KIF2C: variants seen among roughly 807,000 people sequenced by gnomAD.
KIF2C encodes the protein kinesin family member 2C, also known as kinesin-like protein KIF2C.
A neutral mutation model predicts 97.4 loss-of-function variants in KIF2C; 34 were observed. The ratio of observed to expected loss-of-function variants is 0.35; its 90% CI spans 0.27 to 0.46. The LOEUF (loss-of-function observed/expected upper bound fraction) is 0.46. Ranked by LOEUF, KIF2C falls within the 20% of genes least tolerant of loss-of-function variation. KIF2C has a pLI of 1.00. For synonymous variants in KIF2C, 313 were observed against 318.2 expected (o/e 0.98, Z 0.17); for missense variants, 750 against 907.6 (o/e 0.83, Z 2.23).
rs1368918051 is a variant in KIF2C at position 44,746,354 on chromosome 1, A to G, written c.166-1030A>G. The G allele has an allele frequency of 2.9e-6, 3 of 1,037,176 alleles. No individual in the cohort carries two copies. In the East Asian group the frequency reaches 2.5e-4, roughly 87 times the overall value. 64.2% of individuals were successfully genotyped at this position (1,037,176 alleles called of 1,614,324 possible). On this transcript the variant is annotated intron_variant, in intron 2 of 20. Coordinates refer to ENST00000372224, the MANE Select transcript of KIF2C (RefSeq NM_006845.4). ...TGCAGGACTCTGATGATGTAAACTT[A>G]GAATTGTGACCTCATTGCAGGCATC...
chr1:44,740,936 A>G lies in KIF2C; in HGVS notation c.94A>G (p.Arg32Gly). The change falls in exon 2 of 21, where the codon AGG (arginine) becomes GGG (glycine). Residue 32 changes from arginine to glycine, a missense_variant. By Grantham distance (125) the Arg-to-Gly change is moderately radical. Coordinates refer to ENST00000372224, the MANE Select transcript of KIF2C (RefSeq NM_006845.4). ...SNGLIHSANV[R>G]TVNLEKSCVS... ...AGGTTTAATTCACAGTGCCAATGTAAGGACTGTGAACTTGGAGAAATCCTG... is the reference window on the plus strand; with the variant it reads ...AGGTTTAATTCACAGTGCCAATGTAGGGACTGTGAACTTGGAGAAATCCTG... 1 of 1,613,548 alleles carries G rather than the reference A, an allele frequency of 6.2e-7. No individual in the cohort carries two copies. The highest frequency in any genetic ancestry group is 8.5e-7 in the Non-Finnish European group (1 of 1,179,546).
chr1:44,759,410 G>A, intron 14 of KIF2C, 62 bp downstream of exon 14: 5 of 1,593,022 alleles, frequency 3.1e-6, no homozygotes, highest in Non-Finnish European at 4.3e-6. Flanking sequence ...GTAAAGTCTA[G>A]CTCTGAGCAC....
intron 18 of KIF2C, 36 bp from the exon 19 acceptor site, chr1:44,762,509 G>C (rs1237904884): frequency 6.2e-7 from 1 of 1,609,058 alleles, no homozygotes. Context: ...GGCGGCACCT[G>C]GGTCACATAA....
intron 1 of KIF2C, 134 bp from the exon 2 acceptor site, chr1:44,740,779 G>GTTTTTTT: frequency 4.4e-5 from 11 of 250,416 alleles, no homozygotes; most frequent in Admixed American, 1.0e-4. Flanking sequence ...GTTTCTCTTA[G>GTTTTTTT]TTTTTTTTTT....
At chr1:44,746,630 A>T (rs1329712089) in intron 2 of KIF2C, 1 of 1,496,340 alleles carries the variant, frequency 6.7e-7, no homozygotes. Flanking sequence ...TCAGCAGGGG[A>T]GCCAAGTGGC....
intron 19 of KIF2C, among the ~76,000 whole-genome samples, chr1:44,765,446 C>CT (rs1475527954): frequency 4.0e-5 from 6 of 150,262 alleles, no homozygotes; most frequent in Admixed American, 2.0e-4. Flanking sequence ...TACCCTAGAA[C>CT]TTAAAGTATA....
chr1:44,766,535 CG>C (rs1253061050), intron 19 of KIF2C, among the ~76,000 whole-genome samples: 5 of 152,002 alleles, frequency 3.3e-5, no homozygotes, highest in African/African-American at 4.8e-5. Context: ...CCCTTAAACT[CG>C]GGGGGTGGAG....
At chr1:44,756,036 T>C (rs770808418) in intron 9 of KIF2C, 39 bp from the exon 10 acceptor site, 1 of 1,614,108 alleles carries the variant, frequency 6.2e-7, no homozygotes, top group Non-Finnish European at 8.5e-7. Flanking sequence ...GGGCCTTCTG[T>C]TTCCAGGGAG....
chr1:44,751,651 G>C (rs1649522686), intron 5 of KIF2C, among the ~76,000 whole-genome samples: 1 of 151,050 alleles, frequency 6.6e-6, no homozygotes, highest in African/African-American at 2.4e-5. Flanking sequence ...TGAGATTACA[G>C]GCATGTGCTA....
intron 1 of KIF2C, 111 bp from the exon 2 acceptor site, chr1:44,740,799 TAAG>T: frequency 7.4e-6 from 3 of 404,750 alleles, no homozygotes; most frequent in Non-Finnish European, 9.2e-6. Context: ...TTTTTTTTTT[TAAG>T]GTAGCTGCCT....
intron 2 of KIF2C, among the ~76,000 whole-genome samples, chr1:44,745,740 G>A (rs1007937995): frequency 7.2e-5 from 11 of 151,934 alleles, no homozygotes; most frequent in Non-Finnish European, 1.5e-4. Flanking sequence ...AAAGTGCTGG[G>A]ATTACAGACG....
rs372643623 is a variant in KIF2C, at chr1:44,739,880, C to G, written c.-53C>G. 2.6e-5 allele frequency: 40 copies of G among 1,533,938 alleles called. No homozygotes were observed. Among genetic ancestry groups the G allele is most frequent in the East Asian group, 1.8e-4 (8 of 44,428 alleles). On this transcript the variant is annotated 5_prime_UTR_variant, in exon 1 of 21. Transcript: ENST00000372224. ...CGGCGTTAAGACTTCGTAGGGTTAG[C>G]GAAATTGAGGTTTCTTGGTATTGCG...
At chr1:44,757,116 C>T (rs1649883345) in intron 10 of KIF2C, among the ~76,000 whole-genome samples, 1 of 151,852 alleles carries the variant, frequency 6.6e-6, no homozygotes, top group Admixed American at 6.6e-5. Context: ...ACAGTTTCAC[C>T]ATGTTGGTCA....
intron 6 of KIF2C, among the ~76,000 whole-genome samples, chr1:44,753,517 C>T (rs1649640309): frequency 6.6e-6 from 1 of 152,176 alleles, no homozygotes; most frequent in Non-Finnish European, 1.5e-5. Flanking sequence ...TATTTGACTT[C>T]ATATTGGCCA....
chr1:44,739,889 G>A lies in KIF2C; in HGVS notation c.-44G>A, dbSNP rs1289391826. ...GACTTCGTAGGGTTAGCGAAATTGA[G>A]GTTTCTTGGTATTGCGCGTTTCTCT... On this transcript the variant is annotated 5_prime_UTR_variant, in exon 1 of 21. Transcript: ENST00000372224. 1.9e-6 allele frequency: 3 copies of A among 1,559,910 alleles called. 1 individual carries two copies. Among genetic ancestry groups the A allele is most frequent in the Admixed American group, 3.3e-5 (2 of 59,942 alleles).
intron 5 of KIF2C, 117 bp from the exon 6 acceptor site, chr1:44,753,015 T>G: frequency 7.8e-7 from 1 of 1,276,530 alleles, no homozygotes; most frequent in South Asian, 1.4e-5. Flanking sequence ...CTGCACATAC[T>G]GTAAGCCTTA....
chr1:44,753,028 G>T, intron 5 of KIF2C, 104 bp from the exon 6 acceptor site: 2 of 1,391,154 alleles, frequency 1.4e-6, no homozygotes, highest in Non-Finnish European at 2.0e-6. Flanking sequence ...AAGCCTTACC[G>T]AGCAGGCAGG....
chr1:44,751,915 C>T (rs1317626194), intron 5 of KIF2C, among the ~76,000 whole-genome samples: 4 of 148,250 alleles, frequency 2.7e-5, no homozygotes, highest in Non-Finnish European at 6.0e-5. Flanking sequence ...TCTGCCTCCC[C>T]TGTTCAAGCC....
chr1:44,740,249 A>T (rs1648867176), intron 1 of KIF2C, among the ~76,000 whole-genome samples: 1 of 151,904 alleles, frequency 6.6e-6, no homozygotes, highest in East Asian at 1.9e-4. Context: ...AGGCTGGTAG[A>T]CCTCCCAGGG....
Sources: allele counts gnomAD v4.1 joint callset (sites outside exome capture counted in the v4.1 genomes callset), GRCh38; gene constraint gnomAD v4.1.1; transcripts MANE v1.5; gene names NCBI Gene and HGNC (gene_info 2026-07-23, HGNC 2026-07-21).